The following THSD4 variants were observed in gnomAD, a reference collection of about 807,000 sequenced individuals.
THSD4 encodes thrombospondin type-1 domain-containing protein 4.
A neutral mutation model predicts 119.0 loss-of-function variants in THSD4; 69 were observed. The ratio of observed to expected loss-of-function variants is 0.58; its 90% CI spans 0.48 to 0.71. The LOEUF (loss-of-function observed/expected upper bound fraction) is 0.71, where lower values mean the gene tolerates loss of function less well. Ranked by LOEUF, THSD4 falls within the 30% of genes least tolerant of loss-of-function variation. The probability of loss-of-function intolerance (pLI) is 0.00; values close to 1 mark genes in which losing one functional copy is unlikely to be tolerated. For synonymous variants in THSD4, 524 were observed against 540.4 expected (o/e 0.97, Z 0.42); for missense variants, 1,393 against 1,391.1 (o/e 1.00, Z -0.02).
intron 7 of THSD4, among the ~76,000 whole-genome samples, chr15:71,618,974 T>C (rs1567065618): frequency 6.6e-6 from 1 of 150,376 alleles, no homozygotes; most frequent in Non-Finnish European, 1.5e-5. Flanking sequence ...TGAATATTCT[T>C]TTTTTTTTCT....
chr15:71,329,659 C>T lies in THSD4; in HGVS notation c.1015+72944C>T, dbSNP rs2045396714. Reference sequence around the variant, plus strand: ...CAGCTCTGCTCAGGTGACTTGTGTGCCCTGCCCTTGTAAGCCTCGAATTAC... The same window carrying T: ...CAGCTCTGCTCAGGTGACTTGTGTGTCCTGCCCTTGTAAGCCTCGAATTAC... On this transcript the variant is annotated intron_variant, in intron 6 of 17. Transcript: ENST00000261862. Among the ~76,000 whole-genome samples, 4 of 152,268 alleles carry T rather than the reference C, an allele frequency of 2.6e-5. No individual in the cohort carries two copies. In the South Asian group the frequency reaches 8.3e-4, roughly 32 times the overall value.
At chr15:71,743,945 T>A (rs1434365652) in intron 11 of THSD4, among the ~76,000 whole-genome samples, 1 of 152,144 alleles carries the variant, frequency 6.6e-6, no homozygotes, top group Non-Finnish European at 1.5e-5. Flanking sequence ...AAGACAGAGT[T>A]GTAGAATAAA....
At chr15:71,568,543 T>C (rs2049284072) in intron 7 of THSD4, among the ~76,000 whole-genome samples, 1 of 151,596 alleles carries the variant, frequency 6.6e-6, no homozygotes, top group Admixed American at 6.6e-5. Flanking sequence ...GAACTTTTAA[T>C]TGTTATACTC....
At chr15:71,711,160 A>G (rs1316468317) in intron 8 of THSD4, among the ~76,000 whole-genome samples, 2 of 150,540 alleles carry the variant, frequency 1.3e-5, no homozygotes, top group Non-Finnish European at 3.0e-5. Context: ...GGCAAATATA[A>G]CATAAATAGG....
intron 2 of THSD4, among the ~76,000 whole-genome samples, chr15:71,150,772 C>A (rs2040713575): frequency 6.6e-6 from 1 of 152,146 alleles, no homozygotes; most frequent in Non-Finnish European, 1.5e-5. Flanking sequence ...ATAAATCCCT[C>A]ATAAAAGAAA....
intron 7 of THSD4, among the ~76,000 whole-genome samples, chr15:71,559,464 G>T (rs969828057): frequency 7.2e-5 from 11 of 151,748 alleles, no homozygotes; most frequent in African/African-American, 2.7e-4. Flanking sequence ...TGTTTTCTGC[G>T]ATTTGAATGG....
intron 3 of THSD4, among the ~76,000 whole-genome samples, chr15:71,212,547 G>C (rs1462398291): frequency 6.6e-6 from 1 of 152,162 alleles, no homozygotes; most frequent in Non-Finnish European, 1.5e-5. Context: ...CTCCAAATGT[G>C]CCAGAAACAT....
intron 11 of THSD4, 89 bp from the exon 12 acceptor site, chr15:71,745,014 TTCA>T (rs2053307170): frequency 1.3e-6 from 2 of 1,503,334 alleles, no homozygotes; most frequent in Admixed American, 3.9e-5. Flanking sequence ...GTGCCCTCTC[TTCA>T]TCAGCACCCG....
intron 3 of THSD4, among the ~76,000 whole-genome samples, chr15:71,204,148 G>A (rs2043825153): frequency 6.6e-6 from 1 of 152,146 alleles, no homozygotes; most frequent in South Asian, 2.1e-4. Context: ...TAACTGCACA[G>A]CAACACAGGG....
chr15:71,244,456 A>G (rs1200775768), intron 5 of THSD4, among the ~76,000 whole-genome samples: 1 of 152,200 alleles, frequency 6.6e-6, no homozygotes. Context: ...AGTCCATAGA[A>G]ATGACTTAAT....
At chr15:71,558,093 C>T (rs910335691) in intron 7 of THSD4, among the ~76,000 whole-genome samples, 15 of 152,046 alleles carry the variant, frequency 9.9e-5, no homozygotes, top group African/African-American at 2.7e-4. Context: ...TTTGGGAGGT[C>T]GAGGTGGGCA....
At chr15:71,274,178 A>T (rs1199233978) in intron 6 of THSD4, among the ~76,000 whole-genome samples, 1 of 152,160 alleles carries the variant, frequency 6.6e-6, no homozygotes, top group East Asian at 1.9e-4. Flanking sequence ...GGGAAAGTGG[A>T]TATGGGATGG....
At chr15:71,518,499 G>C (rs576317922) in intron 7 of THSD4, among the ~76,000 whole-genome samples, 319 of 152,248 alleles carry the variant, frequency 2.1e-3, no homozygotes, top group Middle Eastern at 3.4e-3. Flanking sequence ...AGAGATCCAA[G>C]TTTAAGTGAC....
At chr15:71,531,955 C>G (rs1324934347) in intron 7 of THSD4, among the ~76,000 whole-genome samples, 1 of 152,144 alleles carries the variant, frequency 6.6e-6, no homozygotes, top group Non-Finnish European at 1.5e-5. Context: ...TCCAGCTCAC[C>G]CATAACCCCA....
intron 3 of THSD4, among the ~76,000 whole-genome samples, chr15:71,200,230 G>A (rs1011847028): frequency 7.2e-5 from 11 of 152,054 alleles, no homozygotes; most frequent in African/African-American, 2.4e-4. Flanking sequence ...AGTCATTGTT[G>A]GTCCAGACAG....
At chr15:71,613,382 AT>A (rs893601464) in intron 7 of THSD4, among the ~76,000 whole-genome samples, 10 of 152,206 alleles carry the variant, frequency 6.6e-5, no homozygotes, top group East Asian at 3.9e-4. Context: ...AATTTTTAAC[AT>A]TTTTTTAAGT....
At chr15:71,563,265 A>G (rs2049160571) in intron 7 of THSD4, among the ~76,000 whole-genome samples, 1 of 152,154 alleles carries the variant, frequency 6.6e-6, no homozygotes, top group Non-Finnish European at 1.5e-5. Flanking sequence ...GGCAAGAGGC[A>G]TGGTGGAGTC....
intron 7 of THSD4, among the ~76,000 whole-genome samples, chr15:71,587,745 C>A (rs2049701872): frequency 9.6e-6 from 1 of 104,448 alleles, no homozygotes; most frequent in Non-Finnish European, 1.9e-5. Flanking sequence ...GCACAATGTG[C>A]ACATGTACCC....
At chr15:71,145,515 T>A (rs2040649045) in intron 2 of THSD4, among the ~76,000 whole-genome samples, 1 of 152,172 alleles carries the variant, frequency 6.6e-6, no homozygotes. Context: ...TAAAGTATTA[T>A]TACTTTAATG....
Sources: gnomAD v4.1 joint callset for allele counts (sites outside exome capture counted in the v4.1 genomes callset) on GRCh38, gnomAD v4.1.1 for gene constraint, MANE v1.5 for transcripts, NCBI Gene and HGNC (gene_info 2026-07-23, HGNC 2026-07-21) for gene names.